ALCAM: variants seen among roughly 807,000 people sequenced by gnomAD.
The protein encoded by ALCAM is CD166 antigen.
ALCAM carries 30 observed loss-of-function variants against 70.9 expected under a neutral mutation model. The ratio of observed to expected loss-of-function variants is 0.42; its 90% CI spans 0.32 to 0.57. ALCAM has a LOEUF of 0.57. Ranked by LOEUF, ALCAM falls within the 20% of genes least tolerant of loss-of-function variation. ALCAM has a pLI of 0.11. For synonymous variants in ALCAM, 249 were observed against 242.5 expected (o/e 1.03, Z -0.25); for missense variants, 591 against 695.1 (o/e 0.85, Z 1.68).
chr3:105,394,762 G>T (rs1349627311), intron 1 of ALCAM, among the ~76,000 whole-genome samples: 2 of 151,828 alleles, frequency 1.3e-5, no homozygotes, highest in Non-Finnish European at 2.9e-5. Context: ...CAGAAAGGTG[G>T]TTTCTTTTTC....
chr3:105,456,957 G>A (rs1453499699), intron 1 of ALCAM, among the ~76,000 whole-genome samples: 9 of 152,122 alleles, frequency 5.9e-5, no homozygotes, highest in Admixed American at 5.9e-4. Context: ...CACATGCAAA[G>A]TTTAAACTGT....
At chr3:105,474,630 A>G (rs1938045811) in intron 1 of ALCAM, among the ~76,000 whole-genome samples, 1 of 151,794 alleles carries the variant, frequency 6.6e-6, no homozygotes, top group Admixed American at 6.6e-5. Context: ...CGAGAAAGAA[A>G]AGAAGCTTTA....
intron 1 of ALCAM, among the ~76,000 whole-genome samples, chr3:105,448,709 G>A (rs768948918): frequency 2.0e-5 from 3 of 152,176 alleles, no homozygotes; most frequent in Non-Finnish European, 4.4e-5. Flanking sequence ...ACAAGGCAAT[G>A]TTTCTTATCT....
intron 1 of ALCAM, among the ~76,000 whole-genome samples, chr3:105,375,062 A>G (rs1424608792): frequency 1.3e-5 from 2 of 152,226 alleles, no homozygotes; most frequent in African/African-American, 4.8e-5. Context: ...TTGTGGTACA[A>G]TCAGCTAACC....
At chr3:105,522,196 A>T (rs1286762262) in intron 2 of ALCAM, among the ~76,000 whole-genome samples, 1 of 152,212 alleles carries the variant, frequency 6.6e-6, no homozygotes, top group Non-Finnish European at 1.5e-5. Flanking sequence ...ATCAAACAAT[A>T]ATGGCAATTT....
intron 6 of ALCAM, among the ~76,000 whole-genome samples, chr3:105,537,607 A>C (rs529621973): frequency 2.2e-4 from 34 of 152,226 alleles, no homozygotes; most frequent in African/African-American, 7.7e-4. Context: ...GCCTATGCAT[A>C]TGCTGTCATT....
intron 1 of ALCAM, among the ~76,000 whole-genome samples, chr3:105,465,972 T>A (rs1040108068): frequency 2.0e-5 from 3 of 151,490 alleles, no homozygotes; most frequent in Non-Finnish European, 4.4e-5. Context: ...CTAACAGTGA[T>A]GCTGGTTTCT....
chr3:105,385,631 G>A (rs1410720585), intron 1 of ALCAM, among the ~76,000 whole-genome samples: 2 of 151,546 alleles, frequency 1.3e-5, no homozygotes, highest in African/African-American at 4.8e-5. Context: ...GCAATGGCTG[G>A]AAAGAAACTT....
At chr3:105,373,396 C>G (rs1232231217) in intron 1 of ALCAM, among the ~76,000 whole-genome samples, 1 of 152,118 alleles carries the variant, frequency 6.6e-6, no homozygotes, top group African/African-American at 2.4e-5. Flanking sequence ...CACTCCAACA[C>G]AATGTTTTCT....
At chr3:105,402,872 C>T (rs1378447998) in intron 1 of ALCAM, among the ~76,000 whole-genome samples, 2 of 151,896 alleles carry the variant, frequency 1.3e-5, no homozygotes. Context: ...TCTGAGAAAC[C>T]TGAATACTTA....
At chr3:105,382,149 C>G (rs930887398) in intron 1 of ALCAM, among the ~76,000 whole-genome samples, 1 of 141,468 alleles carries the variant, frequency 7.1e-6, no homozygotes, top group Non-Finnish European at 1.5e-5. Flanking sequence ...TCCATGTGTT[C>G]TCATTGTTCA....
intron 14 of ALCAM, among the ~76,000 whole-genome samples, chr3:105,571,645 T>C (rs991988310): frequency 6.6e-6 from 1 of 152,198 alleles, no homozygotes; most frequent in East Asian, 1.9e-4. Flanking sequence ...TCTCTTAGCA[T>C]ACATTTACTG....
intron 1 of ALCAM, among the ~76,000 whole-genome samples, chr3:105,412,927 G>A (rs1294213059): frequency 6.6e-6 from 1 of 152,102 alleles, no homozygotes; most frequent in Non-Finnish European, 1.5e-5. Context: ...TAAACATTGT[G>A]CCGATAAATC....
intron 1 of ALCAM, among the ~76,000 whole-genome samples, chr3:105,430,566 G>T (rs1016492118): frequency 6.6e-6 from 1 of 151,994 alleles, no homozygotes; most frequent in Non-Finnish European, 1.5e-5. Flanking sequence ...TAAATCAAGG[G>T]TACTTACTGT....
intron 1 of ALCAM, among the ~76,000 whole-genome samples, chr3:105,452,523 T>C (rs1247172811): frequency 6.6e-6 from 1 of 152,212 alleles, no homozygotes; most frequent in East Asian, 1.9e-4. Context: ...TAAATAGCGC[T>C]GCAGTAAACA....
At chr3:105,393,353 T>A (rs1935870399) in intron 1 of ALCAM, among the ~76,000 whole-genome samples, 1 of 151,798 alleles carries the variant, frequency 6.6e-6, no homozygotes, top group South Asian at 2.1e-4. Flanking sequence ...AGTGCAAATA[T>A]TCTTCAGTAG....
chr3:105,425,866 C>G (rs926609102), intron 1 of ALCAM, among the ~76,000 whole-genome samples: 1 of 151,042 alleles, frequency 6.6e-6, no homozygotes, highest in African/African-American at 2.4e-5. Context: ...GTGCAATAAT[C>G]TTTACCTAAC....
intron 1 of ALCAM, among the ~76,000 whole-genome samples, chr3:105,489,279 G>A (rs12488738): frequency 0.4 from 61,489 of 151,934 alleles, 13,060 homozygotes; most frequent in Admixed American, 0.52. Flanking sequence ...GTGCGGTGCC[G>A]AGATTTTTAT....
chr3:105,418,166 C>G (rs1936554868), intron 1 of ALCAM, among the ~76,000 whole-genome samples: 1 of 151,650 alleles, frequency 6.6e-6, no homozygotes, highest in South Asian at 2.1e-4. Flanking sequence ...AGTATAAGCT[C>G]TAATGAAAAT....
Sources: gnomAD v4.1 joint callset for allele counts (sites outside exome capture counted in the v4.1 genomes callset) on GRCh38, gnomAD v4.1.1 for gene constraint, MANE v1.5 for transcripts, NCBI Gene and HGNC (gene_info 2026-07-23, HGNC 2026-07-21) for gene names.